Variants in UNC13B observed in about 807,000 individuals in gnomAD.
The protein encoded by UNC13B is protein unc-13 homolog B.
In UNC13B, 144 loss-of-function variants were observed where a neutral mutation model predicts 211.0. The ratio of observed to expected loss-of-function variants is 0.68; its 90% CI spans 0.60 to 0.78. The LOEUF is 0.78. Ranked by LOEUF, UNC13B falls within the 30% of genes least tolerant of loss-of-function variation. The probability of loss-of-function intolerance (pLI) is 0.00; values close to 1 mark genes in which losing one functional copy is unlikely to be tolerated. For missense variants in UNC13B, 1,777 were observed against 2,002.0 expected (o/e 0.89, Z 2.14); for synonymous variants, 709 against 725.8 (o/e 0.98, Z 0.37).
At chr9:35,396,805 T>C in intron 27 of UNC13B, 36 bp from the exon 28 acceptor site, 3 of 1,613,282 alleles carry the variant, frequency 1.9e-6, no homozygotes, top group Non-Finnish European at 1.7e-6. Flanking sequence ...TTCCCACCGC[T>C]AGTTCTAAGC....
At chr9:35,237,349 G>A (rs528582429) in intron 4 of UNC13B, among the ~76,000 whole-genome samples, 2 of 152,256 alleles carry the variant, frequency 1.3e-5, no homozygotes, top group South Asian at 4.1e-4. Context: ...ATCCTATTTA[G>A]CCAGCAATGT....
At chr9:35,362,537 T>C (rs540897974) in intron 11 of UNC13B, among the ~76,000 whole-genome samples, 5 of 152,222 alleles carry the variant, frequency 3.3e-5, no homozygotes, top group Admixed American at 2.6e-4. Context: ...GGGCGGGGCG[T>C]GGTGGCTCAC....
In UNC13B at chr9:35,389,923, C is replaced by T. The variant is rs1426108811; in HGVS notation, c.11172C>T (p.Ile3724=). Residue 3724 remains isoleucine, a synonymous_variant, in exon 25 of 40, where the codon ATC becomes ATT. Transcript: ENST00000635942. ...LDFWPKLITL[I]VSIIEEDKNS... is the part of the protein sequence containing the mutation. ...TCTGGCCCAAGCTCATCACACTCAT[C>T]GTGTCAATCATAGAGGAAGATAAGA... The T allele has an allele frequency of 5.6e-6, 9 of 1,614,136 alleles. No homozygotes were observed. Among genetic ancestry groups the T allele is most frequent in the South Asian group, 2.2e-5 (2 of 91,066 alleles).
intron 1 of UNC13B, among the ~76,000 whole-genome samples, chr9:35,178,304 G>A (rs1587300173): frequency 2.6e-5 from 4 of 152,196 alleles, no homozygotes; most frequent in Non-Finnish European, 1.5e-5. Context: ...GAGTCCAGGG[G>A]TTCAAGACTA....
At chr9:35,166,051 G>A (rs1332022474) in intron 1 of UNC13B, among the ~76,000 whole-genome samples, 1 of 151,744 alleles carries the variant, frequency 6.6e-6, no homozygotes, top group Non-Finnish European at 1.5e-5. Flanking sequence ...TTATAACATA[G>A]TTAGATAATT....
chr9:35,398,880 A>G lies in UNC13B; in HGVS notation c.11922-2A>G, dbSNP rs1836072411. The G allele has an allele frequency of 6.2e-7, 1 of 1,612,904 alleles. No individual in the cohort carries two copies. Among genetic ancestry groups the G allele is most frequent in the Non-Finnish European group, 8.5e-7 (1 of 1,179,256 alleles). On this transcript the variant is annotated splice_acceptor_variant, in intron 32 of 39. Coordinates refer to ENST00000635942, the MANE Select transcript of UNC13B (RefSeq NM_001371189.2). LOFTEE classifies it high-confidence loss of function. ...AAGGCTACACTGCGGGCACATGTGT[A>G]GTTTCCAGGTACGGATTGATGAGTG...
At chr9:35,206,147 C>G (rs559926771) in intron 1 of UNC13B, among the ~76,000 whole-genome samples, 2 of 152,162 alleles carry the variant, frequency 1.3e-5, no homozygotes, top group South Asian at 4.1e-4. Context: ...TTGTGCCACT[C>G]CCTCTGTTGT....
Position 35,323,218 on chromosome 9 carries a change from C to T in UNC13B, c.9414+9229C>T, listed in dbSNP as rs545819955. Among the ~76,000 whole-genome samples the T allele has an allele frequency of 4.6e-5, 7 of 151,926 alleles. No individual in the cohort carries two copies. The East Asian group carries it at 5.8e-4, about 13-fold the overall frequency. On this transcript the variant is annotated intron_variant, in intron 11 of 39. Coordinates refer to ENST00000635942, the MANE Select transcript of UNC13B (RefSeq NM_001371189.2). ...GCTTTTTTCATTTATTGCTCTATCT[C>T]GGAGATTTTTTTCCTTATTAGTATA... is the stretch of plus-strand genomic sequence containing the variant.
chr9:35,310,730 C>G lies in UNC13B; in HGVS notation c.9272C>G (p.Pro3091Arg). The change falls in exon 10 of 40, where the codon CCT becomes CGT. Residue 3091 changes from proline to arginine, a missense_variant. Physicochemically the swap from Pro to Arg is moderately radical, Grantham distance 103 (BLOSUM62 -2). Coordinates refer to ENST00000635942, the MANE Select transcript of UNC13B (RefSeq NM_001371189.2). ...ATGAAAGAAGATGCCACAACCCACC[C>G]TCCCCCAGATCTGGTGCTGCAAAAA... is the stretch of plus-strand genomic sequence containing the variant. ...KEMKEDATTH[P>R]PPDLVLQKDH... 6.2e-7 allele frequency: 1 copy of G among 1,614,006 alleles called. No homozygotes were observed.
At chr9:35,352,805 G>A in intron 11 of UNC13B, 5 of 1,232,194 alleles carry the variant, frequency 4.1e-6, no homozygotes, top group Non-Finnish European at 5.1e-6. Context: ...TCAGTTTGAG[G>A]AACCTGCCCT....
At chr9:35,270,315 T>TTC (rs901031268) in intron 7 of UNC13B, among the ~76,000 whole-genome samples, 1 of 146,092 alleles carries the variant, frequency 6.8e-6, no homozygotes, top group African/African-American at 2.5e-5. Context: ...CTTTCATATA[T>TTC]TCTCTCTCTC....
chr9:35,383,508 T>C (rs1834992244), intron 21 of UNC13B, among the ~76,000 whole-genome samples: 3 of 152,182 alleles, frequency 2.0e-5, no homozygotes, highest in Admixed American at 2.0e-4. Context: ...ATTAAGCCAG[T>C]CAAATATTTG....
chr9:35,314,397 G>A (rs1353591714), intron 11 of UNC13B, among the ~76,000 whole-genome samples: 1 of 152,134 alleles, frequency 6.6e-6, no homozygotes, highest in Admixed American at 6.5e-5. Context: ...GAATTTGCCA[G>A]TTTAAGTCCC....
intron 11 of UNC13B, among the ~76,000 whole-genome samples, chr9:35,346,900 C>T (rs1832392342): frequency 2.0e-5 from 3 of 152,038 alleles, no homozygotes; most frequent in African/African-American, 7.2e-5. Flanking sequence ...TTCCCAACCC[C>T]TGAATTAAAT....
intron 11 of UNC13B, chr9:35,342,169 G>A: frequency 6.1e-6 from 6 of 985,520 alleles, no homozygotes; most frequent in Non-Finnish European, 7.2e-6. Context: ...TGTCGGTTGG[G>A]CAAGCAGTGG....
chr9:35,378,007 A>G (rs898932690), intron 16 of UNC13B, among the ~76,000 whole-genome samples: 26 of 152,026 alleles, frequency 1.7e-4, no homozygotes, highest in African/African-American at 6.3e-4. Flanking sequence ...GGGACCAGGG[A>G]GTAGCTAACC....
At chr9:35,318,552 A>G (rs2131897621) in intron 11 of UNC13B, among the ~76,000 whole-genome samples, 1 of 152,372 alleles carries the variant, frequency 6.6e-6, no homozygotes, top group Middle Eastern at 3.4e-3. Flanking sequence ...TATTATACAT[A>G]CCAAGCATTT....
Position 35,382,239 on chromosome 9 carries a change from A to C in UNC13B, c.10656-118A>C, listed in dbSNP as rs896593702. On this transcript the variant is annotated intron_variant, in intron 20 of 39. Transcript: ENST00000635942. ...TGTGCAGAAAGTAGCCCTAGGCAAG[A>C]GAGGGCAGCAATTGCCCTGGCTGTG... The C allele has an allele frequency of 3.3e-5, 45 of 1,357,888 alleles. No homozygotes were observed. In the East Asian group the frequency reaches 1.0e-3, roughly 31 times the overall value. 84.1% of individuals were successfully genotyped at this position (1,357,888 alleles called of 1,614,324 possible). A position where few individuals can be genotyped will look rare whatever the true frequency, so the allele number is the denominator to read the frequency against.
chr9:35,352,199 G>A (rs1232029928), intron 11 of UNC13B: 3 of 1,232,036 alleles, frequency 2.4e-6, no homozygotes, highest in African/African-American at 1.6e-5. Flanking sequence ...GTATTTGTAC[G>A]GACTTCCTGA....
Sources: allele counts gnomAD v4.1 joint callset (sites outside exome capture counted in the v4.1 genomes callset), GRCh38; gene constraint gnomAD v4.1.1; transcripts MANE v1.5; gene names NCBI Gene and HGNC (gene_info 2026-07-23, HGNC 2026-07-21).